RANBP10: variants seen among roughly 807,000 people sequenced by gnomAD.
RANBP10 encodes RAN binding protein 10.
Under a neutral mutation model 72.8 loss-of-function variants are expected in RANBP10, and 24 were observed. The ratio of observed to expected loss-of-function variants is 0.33; its 90% CI spans 0.24 to 0.46. The LOEUF (loss-of-function observed/expected upper bound fraction) is 0.46. RANBP10 is among the 20% of genes least tolerant of loss of function. The pLI, the probability that RANBP10 is intolerant of heterozygous loss-of-function variation, is 1.00. For missense variants in RANBP10, 679 were observed against 817.5 expected (o/e 0.83, Z 2.07); for synonymous variants, 310 against 322.3 (o/e 0.96, Z 0.41).
intron 2 of RANBP10, among the ~76,000 whole-genome samples, chr16:67,772,755 A>C (rs1295144773): frequency 6.6e-6 from 1 of 152,084 alleles, no homozygotes; most frequent in Non-Finnish European, 1.5e-5. Context: ...TCATTGGAGT[A>C]TGCAACCTGG....
intron 2 of RANBP10, among the ~76,000 whole-genome samples, chr16:67,795,494 G>C (rs985627184): frequency 3.9e-5 from 6 of 151,922 alleles, no homozygotes; most frequent in Admixed American, 2.6e-4. Context: ...AGCCAAGATC[G>C]TGCCATTGTA....
intron 3 of RANBP10, among the ~76,000 whole-genome samples, chr16:67,749,308 GC>G (rs1205966327): frequency 6.6e-6 from 1 of 152,210 alleles, no homozygotes; most frequent in Non-Finnish European, 1.5e-5. Context: ...TATCCAGGAA[GC>G]CTCTATTTAA....
intron 3 of RANBP10, among the ~76,000 whole-genome samples, chr16:67,764,487 G>A (rs572701158): frequency 1.3e-5 from 2 of 152,108 alleles, no homozygotes; most frequent in South Asian, 4.2e-4. Context: ...GCCATTGCCA[G>A]GCCATTTTAT....
intron 2 of RANBP10, among the ~76,000 whole-genome samples, chr16:67,798,717 C>T (rs1278754863): frequency 1.3e-5 from 2 of 152,124 alleles, no homozygotes; most frequent in Admixed American, 6.6e-5. Flanking sequence ...AAAAGACAAC[C>T]GCTATGAGAA....
At chr16:67,728,046 G>T (rs1228817874) in intron 11 of RANBP10, 150 bp from the exon 12 acceptor site, 11 of 836,946 alleles carry the variant, frequency 1.3e-5, no homozygotes, top group Non-Finnish European at 1.9e-5. Context: ...TACAGTCAAG[G>T]CGTTCTTCTC....
At chr16:67,755,865 T>G (rs2054278131) in intron 3 of RANBP10, among the ~76,000 whole-genome samples, 1 of 152,004 alleles carries the variant, frequency 6.6e-6, no homozygotes, top group Non-Finnish European at 1.5e-5. Context: ...AGAATAAGCC[T>G]TGTCACTTGC....
chr16:67,799,461 G>A (rs1217927716), intron 2 of RANBP10, among the ~76,000 whole-genome samples: 8 of 151,836 alleles, frequency 5.3e-5, no homozygotes, highest in African/African-American at 1.9e-4. Flanking sequence ...CTAATTTTTT[G>A]TATTTTTAGT....
intron 4 of RANBP10, 129 bp downstream of exon 4, chr16:67,744,159 A>G: frequency 6.7e-7 from 1 of 1,486,840 alleles, no homozygotes; most frequent in African/African-American, 1.4e-5. Context: ...AAGGGCTCCA[A>G]TGCCTGGAAA....
At chr16:67,753,034 G>A (rs2054225079) in intron 3 of RANBP10, among the ~76,000 whole-genome samples, 3 of 152,066 alleles carry the variant, frequency 2.0e-5, no homozygotes, top group Admixed American at 1.3e-4. Flanking sequence ...CAGTCCAGGT[G>A]TTCGAGACCA....
chr16:67,772,200 T>A, intron 2 of RANBP10, 114 bp from the exon 3 acceptor site: 3 of 1,125,214 alleles, frequency 2.7e-6, no homozygotes, highest in East Asian at 2.4e-5. Flanking sequence ...GCAATGAATG[T>A]AGAGGCTCTT....
chr16:67,803,683 G>A (rs570515862), intron 2 of RANBP10, among the ~76,000 whole-genome samples: 6 of 150,752 alleles, frequency 4.0e-5, no homozygotes, highest in East Asian at 2.0e-4. Context: ...TTAGCCAGGC[G>A]TGGTGGCATG....
At chr16:67,791,483 A>T (rs781701624) in intron 2 of RANBP10, among the ~76,000 whole-genome samples, 16 of 152,164 alleles carry the variant, frequency 1.1e-4, no homozygotes, top group Non-Finnish European at 1.5e-4. Context: ...GTAGGAAGTG[A>T]TGAAAAGGAG....
chr16:67,731,361 G>A (rs1052823009), intron 7 of RANBP10, 111 bp downstream of exon 7: 6 of 853,448 alleles, frequency 7.0e-6, no homozygotes, highest in South Asian at 1.5e-5. Context: ...AGCTGGTCAT[G>A]AGGACCAGAG....
At chr16:67,779,734 C>T (rs1480309942) in intron 2 of RANBP10, among the ~76,000 whole-genome samples, 2 of 152,140 alleles carry the variant, frequency 1.3e-5, no homozygotes, top group Non-Finnish European at 2.9e-5. Flanking sequence ...AACAAAAATG[C>T]CCTGTACCCA....
chr16:67,797,764 T>A (rs1268499406), intron 2 of RANBP10, among the ~76,000 whole-genome samples: 4 of 151,886 alleles, frequency 2.6e-5, no homozygotes, highest in Non-Finnish European at 5.9e-5. Flanking sequence ...TGAGCCGAGA[T>A]CACTCCACTG....
chr16:67,796,965 C>T (rs1009033265), intron 2 of RANBP10, among the ~76,000 whole-genome samples: 6 of 152,200 alleles, frequency 3.9e-5, no homozygotes, highest in Non-Finnish European at 7.3e-5. Context: ...ATCCATCCCT[C>T]TTCCACTGAT....
intron 2 of RANBP10, among the ~76,000 whole-genome samples, chr16:67,793,592 G>A (rs892201538): frequency 5.3e-5 from 8 of 151,978 alleles, no homozygotes; most frequent in South Asian, 2.1e-4. Flanking sequence ...GATTACAGGC[G>A]TGAGCCACCG....
chr16:67,780,623 T>C (rs958649464), intron 2 of RANBP10, among the ~76,000 whole-genome samples: 1 of 152,200 alleles, frequency 6.6e-6, no homozygotes, highest in African/African-American at 2.4e-5. Context: ...AAACAGCTGA[T>C]ATTTGAAAAA....
chr16:67,766,099 T>A (rs2054497581), intron 3 of RANBP10, among the ~76,000 whole-genome samples: 1 of 152,090 alleles, frequency 6.6e-6, no homozygotes, highest in African/African-American at 2.4e-5. Flanking sequence ...CAACCACACA[T>A]CTGAACCATC....
Sources: allele counts gnomAD v4.1 joint callset (sites outside exome capture counted in the v4.1 genomes callset), GRCh38; gene constraint gnomAD v4.1.1; transcripts MANE v1.5; gene names NCBI Gene and HGNC (gene_info 2026-07-23, HGNC 2026-07-21).